CDKAL1: variants seen among roughly 807,000 people sequenced by gnomAD.
CDKAL1 encodes threonylcarbamoyladenosine tRNA methylthiotransferase.
CDKAL1 carries 32 observed loss-of-function variants against 68.2 expected under a neutral mutation model. The observed-to-expected ratio is 0.47, with a 90% CI of 0.35 to 0.63. CDKAL1 has a LOEUF of 0.63. Ranked by LOEUF, CDKAL1 falls within the 30% of genes least tolerant of loss-of-function variation. The pLI is 0.00. For missense variants in CDKAL1, 606 were observed against 696.7 expected, an observed-to-expected ratio of 0.87 and a Z score of 1.47; for synonymous variants, 234 against 244.3, an observed-to-expected ratio of 0.96 and a Z score of 0.39.
At chr6:20,654,683 G>A (rs891486464) in intron 5 of CDKAL1, among the ~76,000 whole-genome samples, 1 of 152,030 alleles carries the variant, frequency 6.6e-6, no homozygotes, top group African/African-American at 2.4e-5. Flanking sequence ...ATAACCAATT[G>A]TTTCAGTATC....
chr6:20,822,343 T>C (rs1777320253), intron 8 of CDKAL1, among the ~76,000 whole-genome samples: 1 of 152,148 alleles, frequency 6.6e-6, no homozygotes, highest in East Asian at 1.9e-4. Context: ...TTATAAAATA[T>C]CAAAAGACAG....
intron 9 of CDKAL1, among the ~76,000 whole-genome samples, chr6:20,849,170 C>T (rs942308917): frequency 6.6e-6 from 1 of 152,180 alleles, no homozygotes; most frequent in African/African-American, 2.4e-5. Context: ...TTACCAGCCA[C>T]ATGATGTGAA....
At chr6:20,737,117 T>A (rs1478617213) in intron 5 of CDKAL1, among the ~76,000 whole-genome samples, 1 of 152,208 alleles carries the variant, frequency 6.6e-6, no homozygotes, top group African/African-American at 2.4e-5. Flanking sequence ...CTTGTCTTTG[T>A]TCATGCTCTA....
chr6:20,635,743 A>G (rs1767877857), intron 4 of CDKAL1, among the ~76,000 whole-genome samples: 2 of 152,224 alleles, frequency 1.3e-5, no homozygotes, highest in African/African-American at 2.4e-5. Flanking sequence ...ATTTTCCTCT[A>G]TCCTCTTAGG....
At chr6:20,541,182 G>A (rs887822026) in intron 2 of CDKAL1, among the ~76,000 whole-genome samples, 2 of 152,118 alleles carry the variant, frequency 1.3e-5, no homozygotes, top group African/African-American at 4.8e-5. Flanking sequence ...AGCAATTTGG[G>A]AAAGACTAAC....
chr6:20,796,524 ATC>A lies in CDKAL1; in HGVS notation c.638+15261_638+15262del, dbSNP rs140858288. 2.8e-3 allele frequency among the ~76,000 whole-genome samples: 427 copies of A among 152,328 alleles called. 1 individual carries two copies. The highest frequency in any genetic ancestry group is 9.2e-3 in the African/African-American group (382 of 41,584). On this transcript the variant is annotated intron_variant, in intron 8 of 15. Transcript: ENST00000274695. ...ATGGAAAGGCAAGGGAAGTAGAGTT[ATC>A]TAAAACAGTTTTGAATAAGAATAAG...
At chr6:21,204,900 C>T (rs1401950649) in intron 15 of CDKAL1, among the ~76,000 whole-genome samples, 1 of 152,142 alleles carries the variant, frequency 6.6e-6, no homozygotes, top group Non-Finnish European at 1.5e-5. Flanking sequence ...CAGAACTTTC[C>T]ATCTTGCAAA....
chr6:20,816,898 A>G (rs1777069721), intron 8 of CDKAL1, among the ~76,000 whole-genome samples: 1 of 152,118 alleles, frequency 6.6e-6, no homozygotes, highest in Non-Finnish European at 1.5e-5. Flanking sequence ...TGAATTAAGT[A>G]TTATTGTGGC....
chr6:20,847,334 A>C (rs1778411963), intron 9 of CDKAL1, among the ~76,000 whole-genome samples: 1 of 152,162 alleles, frequency 6.6e-6, no homozygotes, highest in African/African-American at 2.4e-5. Flanking sequence ...CAATACTTCC[A>C]AGGATTTTTT....
chr6:20,769,606 A>G (rs1232899828), intron 7 of CDKAL1, among the ~76,000 whole-genome samples: 1 of 152,122 alleles, frequency 6.6e-6, no homozygotes, highest in East Asian at 1.9e-4. Context: ...CTAGCCCTCC[A>G]GAGCTTTTAA....
intron 10 of CDKAL1, among the ~76,000 whole-genome samples, chr6:20,958,380 C>G (rs1047433135): frequency 3.3e-5 from 5 of 152,176 alleles, no homozygotes; most frequent in African/African-American, 1.2e-4. Flanking sequence ...TCCACAAACA[C>G]ATCGTATGTA....
At chr6:20,831,935 G>C (rs1777736622) in intron 8 of CDKAL1, among the ~76,000 whole-genome samples, 1 of 152,044 alleles carries the variant, frequency 6.6e-6, no homozygotes, top group Non-Finnish European at 1.5e-5. Flanking sequence ...GCTCTCAATC[G>C]GTCATTGTCA....
At chr6:20,887,344 T>C (rs1761118805) in intron 9 of CDKAL1, among the ~76,000 whole-genome samples, 1 of 152,150 alleles carries the variant, frequency 6.6e-6, no homozygotes, top group Non-Finnish European at 1.5e-5. Flanking sequence ...TTGTCAAAAT[T>C]AGTCACAAAA....
At chr6:20,772,521 C>T (rs1354218790) in intron 7 of CDKAL1, among the ~76,000 whole-genome samples, 2 of 152,016 alleles carry the variant, frequency 1.3e-5, no homozygotes, top group Non-Finnish European at 2.9e-5. Context: ...TGTAATTTGC[C>T]CCAGAAGGTA....
chr6:20,913,323 A>G (rs530668021), intron 9 of CDKAL1, among the ~76,000 whole-genome samples: 25 of 152,192 alleles, frequency 1.6e-4, no homozygotes, highest in Admixed American at 1.4e-3. Flanking sequence ...AAAATCACTT[A>G]TGTGGTTGTT....
chr6:20,708,039 G>A (rs1771682074), intron 5 of CDKAL1, among the ~76,000 whole-genome samples: 1 of 152,164 alleles, frequency 6.6e-6, no homozygotes, highest in South Asian at 2.1e-4. Context: ...GTATTGTTCT[G>A]TCTAAAATAA....
At chr6:21,220,394 C>T (rs1372665838) in intron 15 of CDKAL1, among the ~76,000 whole-genome samples, 2 of 152,148 alleles carry the variant, frequency 1.3e-5, no homozygotes, top group East Asian at 3.8e-4. Flanking sequence ...ACGTACCTCT[C>T]TTTGGAGAAA....
chr6:21,159,008 T>C (rs1776776739), intron 13 of CDKAL1, among the ~76,000 whole-genome samples: 1 of 152,178 alleles, frequency 6.6e-6, no homozygotes, highest in Non-Finnish European at 1.5e-5. Context: ...CAAATACGTT[T>C]TTGTTTTGAC....
At chr6:20,941,470 G>A (rs1412800143) in intron 9 of CDKAL1, among the ~76,000 whole-genome samples, 5 of 152,154 alleles carry the variant, frequency 3.3e-5, no homozygotes, top group Admixed American at 1.3e-4. Flanking sequence ...TAACCTTTCT[G>A]TCACAGTCTC....
Sources: gnomAD v4.1 joint callset for allele counts (sites outside exome capture counted in the v4.1 genomes callset) on GRCh38, gnomAD v4.1.1 for gene constraint, MANE v1.5 for transcripts, NCBI Gene and HGNC (gene_info 2026-07-23, HGNC 2026-07-21) for gene names.